Variants in MEF2B observed in about 807,000 individuals in gnomAD.
MEF2B encodes myocyte enhancer factor 2B, also known as myocyte-specific enhancer factor 2B.
A neutral mutation model predicts 32.2 loss-of-function variants in MEF2B; 15 were observed. The observed-to-expected ratio is 0.47, with a 90% CI of 0.31 to 0.72. The LOEUF (loss-of-function observed/expected upper bound fraction) is 0.72. Ranked by LOEUF, MEF2B falls within the 30% of genes least tolerant of loss-of-function variation. MEF2B has a pLI of 0.05. For missense variants in MEF2B, 441 were observed against 511.5 expected (o/e 0.86, Z 1.33); for synonymous variants, 205 against 225.6 (o/e 0.91, Z 0.82).
At chr19:19,168,270 T>C (rs1227323469) in intron 1 of MEF2B, among the ~76,000 whole-genome samples, 1 of 43,968 alleles carries the variant, frequency 2.3e-5, no homozygotes, top group Admixed American at 2.3e-4. Flanking sequence ...TCTTTCTTCT[T>C]TTTTTTTTTT....
chr19:19,159,276 C>T (rs974594145), intron 1 of MEF2B, among the ~76,000 whole-genome samples: 1 of 143,380 alleles, frequency 7.0e-6, no homozygotes, highest in East Asian at 2.1e-4. Context: ...TTAAATCTAG[C>T]GGGGCATGGT....
At chr19:19,153,003 C>A (rs765233669) in intron 1 of MEF2B, among the ~76,000 whole-genome samples, 5 of 152,224 alleles carry the variant, frequency 3.3e-5, no homozygotes, top group African/African-American at 4.8e-5. Context: ...CGGAATCGGG[C>A]CTGTTCCCAC....
Position 19,147,256 on chromosome 19 carries a change from T to C in MEF2B, c.394-73A>G, listed in dbSNP as rs1375220390. The C allele has an allele frequency of 1.5e-5, 13 of 867,604 alleles. 4 individuals carry two copies. In the East Asian group the frequency reaches 5.6e-4, roughly 38 times the overall value. The allele number at this position is 867,604 out of a possible 1,614,324, so 53.7% of individuals were successfully genotyped here. On this transcript the variant is annotated intron_variant, in intron 4 of 8. Transcript: ENST00000424583. ...GTGCCAAGTCCAAGGGAGAAAATCC[T>C]GATGAGTTCAGGGGCCCAGCTCTAC...
intron 1 of MEF2B, among the ~76,000 whole-genome samples, chr19:19,162,655 C>T (rs1277426909): frequency 6.6e-6 from 1 of 152,226 alleles, no homozygotes; most frequent in Admixed American, 6.5e-5. Context: ...CCCACCTCTC[C>T]CTGGGCCTGC....
chr19:19,162,343 G>T (rs751792210), intron 1 of MEF2B, among the ~76,000 whole-genome samples: 32 of 151,882 alleles, frequency 2.1e-4, no homozygotes, highest in South Asian at 1.0e-3. Context: ...TTATCACACT[G>T]GCTGGTCTTG....
intron 1 of MEF2B, among the ~76,000 whole-genome samples, chr19:19,161,253 G>C (rs1182266582): frequency 6.6e-6 from 1 of 152,040 alleles, no homozygotes; most frequent in Non-Finnish European, 1.5e-5. Flanking sequence ...GCCCCAAAAA[G>C]TCCCTGGTGG....
chr19:19,150,581 T>A, intron 2 of MEF2B, 101 bp downstream of exon 2: 14 of 1,279,914 alleles, frequency 1.1e-5, no homozygotes, highest in Non-Finnish European at 1.4e-5. Flanking sequence ...TCATGCCTCC[T>A]CATTCCCCTG....
chr19:19,168,426 A>G (rs2060227053), intron 1 of MEF2B, among the ~76,000 whole-genome samples: 1 of 151,650 alleles, frequency 6.6e-6, no homozygotes. Flanking sequence ...AGCATGTACC[A>G]TCATGGCCGG....
At chr19:19,146,108 G>A in intron 8 of MEF2B, 86 bp from the exon 9 acceptor site, 2 of 1,182,242 alleles carry the variant, frequency 1.7e-6, no homozygotes, top group South Asian at 3.6e-5. Context: ...GCAAAGGCTT[G>A]GCAGGAGGAC....
At chr19:19,162,783 G>C (rs974642613) in intron 1 of MEF2B, among the ~76,000 whole-genome samples, 6 of 152,184 alleles carry the variant, frequency 3.9e-5, no homozygotes, top group Non-Finnish European at 7.3e-5. Context: ...AGAGAGGCCA[G>C]GGCCGGGGCT....
chr19:19,150,177 AG>A (rs2060063119), intron 2 of MEF2B, among the ~76,000 whole-genome samples: 8 of 86,168 alleles, frequency 9.3e-5, no homozygotes, highest in African/African-American at 3.5e-4. Context: ...GGAAGGAGGG[AG>A]GGAGGGAAGG....
chr19:19,152,402 A>G (rs2060090930), intron 1 of MEF2B, among the ~76,000 whole-genome samples: 1 of 151,712 alleles, frequency 6.6e-6, no homozygotes. Context: ...AGAAAAAGAA[A>G]AAGAAAAAGA....
chr19:19,146,069 G>T, intron 8 of MEF2B, 47 bp from the exon 9 acceptor site: 1 of 1,381,172 alleles, frequency 7.2e-7, no homozygotes, highest in East Asian at 2.8e-5. Context: ...GCGAGGAAGG[G>T]AAGGAAGCCA....
At chr19:19,146,144 C>T in intron 8 of MEF2B, 122 bp from the exon 9 acceptor site, 1 of 918,166 alleles carries the variant, frequency 1.1e-6, no homozygotes, top group East Asian at 3.1e-5. Context: ...GGTGGCGGTC[C>T]CTCTTGGGGC....
Position 19,146,257 on chromosome 19 carries a change from G to C in MEF2B, c.881+16C>G. 1 of 1,186,784 alleles carries C rather than the reference G, an allele frequency of 8.4e-7. No individual in the cohort carries two copies. Among genetic ancestry groups the C allele is most frequent in the African/African-American group, 1.6e-5 (1 of 62,654 alleles). The allele number at this position is 1,186,784 out of a possible 1,614,324, so 73.5% of individuals were successfully genotyped here. A position where few individuals can be genotyped will look rare whatever the true frequency, so the allele number is the denominator to read the frequency against. On this transcript the variant is annotated intron_variant, in intron 8 of 8. Coordinates refer to ENST00000424583, the MANE Select transcript of MEF2B (RefSeq NM_001145785.2). ...CTTTGGAGGACTGGGACTTGCCGTC[G>C]TCTCAGGGCACTTACCTGGGCTGGG... is the stretch of plus-strand genomic sequence containing the variant.
At chr19:19,149,958 G>A (rs558526965) in intron 2 of MEF2B, among the ~76,000 whole-genome samples, 203 of 151,446 alleles carry the variant, frequency 1.3e-3, no homozygotes, top group Admixed American at 2.6e-3. Context: ...GGTGGTGGGC[G>A]CCTGTAATCC....
Position 19,146,253 on chromosome 19 carries a change from C to T in MEF2B, c.881+20G>A, listed in dbSNP as rs747005371. On this transcript the variant is annotated intron_variant, in intron 8 of 8. Transcript: ENST00000424583. ...GGGGCTTTGGAGGACTGGGACTTGCCGTCGTCTCAGGGCACTTACCTGGGC... is the reference window on the plus strand; with the variant it reads ...GGGGCTTTGGAGGACTGGGACTTGCTGTCGTCTCAGGGCACTTACCTGGGC... 7.1e-6 allele frequency: 8 copies of T among 1,130,860 alleles called. No homozygotes were observed. In the South Asian group the frequency reaches 8.5e-5, roughly 12 times the overall value. 70.1% of individuals were successfully genotyped at this position (1,130,860 alleles called of 1,614,324 possible).
rs2060019224 is a variant in MEF2B at position 19,145,749 on chromosome 19, C to A, written c.*48G>T. ...GAGGGAGGTGGGGTCCCCACGTGCCCTCGCCGTACCTGGCGAGCGCTCTGG... is the reference window on the plus strand; with the variant it reads ...GAGGGAGGTGGGGTCCCCACGTGCCATCGCCGTACCTGGCGAGCGCTCTGG... On this transcript the variant is annotated 3_prime_UTR_variant, in exon 9 of 9. Coordinates refer to ENST00000424583, the MANE Select transcript of MEF2B (RefSeq NM_001145785.2). The surrounding 1 kb of genome is among the most constrained non-coding windows in gnomAD (Gnocchi z 4.6). 6.4e-7 allele frequency: 1 copy of A among 1,557,316 alleles called. No homozygotes were observed.
chr19:19,156,009 T>TG (rs1229527232), intron 1 of MEF2B, among the ~76,000 whole-genome samples: 2 of 151,972 alleles, frequency 1.3e-5, no homozygotes, highest in Non-Finnish European at 2.9e-5. Flanking sequence ...GAGAGCTTCT[T>TG]GGGGGAGGAG....
Sources: allele counts gnomAD v4.1 joint callset (sites outside exome capture counted in the v4.1 genomes callset), GRCh38; gene constraint gnomAD v4.1.1; non-coding constraint Gnocchi (gnomAD v3.1); transcripts MANE v1.5; gene names NCBI Gene and HGNC (gene_info 2026-07-23, HGNC 2026-07-21).